Variants in SLX4IP observed in about 807,000 individuals in gnomAD.
SLX4IP encodes protein SLX4IP.
SLX4IP carries 34 observed loss-of-function variants against 32.9 expected under a neutral mutation model. That is an observed-to-expected ratio of 1.03 (90% CI 0.79 to 1.38). The LOEUF is 1.38. SLX4IP is among the 40% of genes most tolerant of loss of function. The pLI is 0.00. For synonymous variants in SLX4IP, 172 were observed against 171.7 expected, an observed-to-expected ratio of 1.00 and a Z score of -0.01; for missense variants, 444 against 479.0, an observed-to-expected ratio of 0.93 and a Z score of 0.68.
chr20:10,523,872 C>CT (rs377461031), intron 2 of SLX4IP, among the ~76,000 whole-genome samples: 5 of 152,184 alleles, frequency 3.3e-5, no homozygotes, highest in African/African-American at 1.2e-4. Context: ...TTATTTGAGT[C>CT]TATTAAATTC....
intron 6 of SLX4IP, among the ~76,000 whole-genome samples, chr20:10,611,150 A>T (rs2066962262): frequency 6.6e-6 from 1 of 152,228 alleles, no homozygotes; most frequent in South Asian, 2.1e-4. Context: ...ACATTATTAT[A>T]TGCCCCCCAA....
Position 10,542,963 on chromosome 20 carries a change from G to C in SLX4IP, c.28-13268G>C, listed in dbSNP as rs988272019. Among the ~76,000 whole-genome samples the C allele has an allele frequency of 9.2e-5, 14 of 152,148 alleles. 1 individual carries two copies. Among genetic ancestry groups the C allele is most frequent in the Non-Finnish European group, 1.5e-5 (1 of 68,026 alleles). On this transcript the variant is annotated intron_variant, in intron 2 of 7. Coordinates refer to ENST00000334534, the MANE Select transcript of SLX4IP (RefSeq NM_001009608.3). The stretch of plus-strand genomic sequence containing the variant: ...TGCTGGAAATGCAGACCAAGACCAG[G>C]GTCGAGGAAAAAGTTGTTCACCATC...
chr20:10,533,472 C>T (rs1370177154), intron 2 of SLX4IP, among the ~76,000 whole-genome samples: 2 of 151,888 alleles, frequency 1.3e-5, no homozygotes, highest in African/African-American at 4.8e-5. Context: ...CCTTTATGTA[C>T]AAAAATACAT....
At chr20:10,503,261 G>A (rs1189039185) in intron 2 of SLX4IP, among the ~76,000 whole-genome samples, 1 of 152,198 alleles carries the variant, frequency 6.6e-6, no homozygotes, top group Non-Finnish European at 1.5e-5. Flanking sequence ...GTCCGCCAGA[G>A]GTCTACAGGG....
At chr20:10,613,971 G>T (rs3748471) in intron 6 of SLX4IP, 4 of 1,171,124 alleles carry the variant, frequency 3.4e-6, no homozygotes, top group East Asian at 2.3e-5. Context: ...CTCGTCCACC[G>T]TTCCCTGCTC....
chr20:10,599,352 A>G (rs1048117758), intron 5 of SLX4IP, among the ~76,000 whole-genome samples: 1 of 152,188 alleles, frequency 6.6e-6, no homozygotes, highest in African/African-American at 2.4e-5. Context: ...TAACATATAG[A>G]GGCTTGCTGT....
intron 4 of SLX4IP, among the ~76,000 whole-genome samples, chr20:10,597,335 G>A (rs1323157144): frequency 1.3e-5 from 2 of 152,148 alleles, no homozygotes; most frequent in African/African-American, 2.4e-5. Flanking sequence ...TGCTGACTGC[G>A]ATAACCAGGA....
chr20:10,522,788 C>A (rs571430377), intron 2 of SLX4IP, among the ~76,000 whole-genome samples: 1 of 152,328 alleles, frequency 6.6e-6, no homozygotes, highest in South Asian at 2.1e-4. Flanking sequence ...CCACAAGAGC[C>A]CAGCTGCAGA....
chr20:10,490,579 T>G (rs562212562), intron 2 of SLX4IP, among the ~76,000 whole-genome samples: 85 of 152,316 alleles, frequency 5.6e-4, no homozygotes, highest in African/African-American at 1.9e-3. Flanking sequence ...GCTCTTTTTT[T>G]GGGTAACCTA....
chr20:10,620,850 C>T (rs998847289), intron 6 of SLX4IP, among the ~76,000 whole-genome samples: 3 of 152,300 alleles, frequency 2.0e-5, no homozygotes, highest in East Asian at 1.9e-4. Flanking sequence ...CCACTGCACC[C>T]GGCCACAAAA....
intron 2 of SLX4IP, among the ~76,000 whole-genome samples, chr20:10,517,742 G>A (rs2065862154): frequency 6.6e-6 from 1 of 152,124 alleles, no homozygotes. Flanking sequence ...CACCCTCCCT[G>A]GAGGTGTGGA....
chr20:10,607,050 A>G (rs188157620), intron 6 of SLX4IP, among the ~76,000 whole-genome samples: 3 of 152,290 alleles, frequency 2.0e-5, no homozygotes, highest in Admixed American at 2.0e-4. Context: ...TTAGATAAAC[A>G]CTTGTATTTT....
intron 2 of SLX4IP, among the ~76,000 whole-genome samples, chr20:10,531,796 G>A (rs553134011): frequency 5.7e-4 from 87 of 152,312 alleles, no homozygotes; most frequent in East Asian, 9.6e-4. Context: ...ACCTCCTAGC[G>A]TCTGGAGGAA....
intron 6 of SLX4IP, among the ~76,000 whole-genome samples, chr20:10,620,614 TGCCATCTCG>T (rs1024312193): frequency 7.9e-5 from 12 of 151,994 alleles, no homozygotes; most frequent in African/African-American, 2.9e-4. Flanking sequence ...AGTGCAGTGG[TGCCATCTCG>T]GCTCACTGCA....
chr20:10,623,626 A>G lies in SLX4IP; in HGVS notation c.*247A>G. On this transcript the variant is annotated 3_prime_UTR_variant, in exon 8 of 8. Transcript: ENST00000334534. ...TTATGACTGTCTTCAGAGAATTAGT[A>G]ATGACAAAGAGCCATCCACCTTGTC... is the stretch of plus-strand genomic sequence containing the variant. 1 of 549,766 alleles carries G rather than the reference A, an allele frequency of 1.8e-6. No individual in the cohort carries two copies. The allele number at this position is 549,766 out of a possible 1,614,324, so 34.1% of individuals were successfully genotyped here.
intron 2 of SLX4IP, among the ~76,000 whole-genome samples, chr20:10,503,967 A>C (rs1440841107): frequency 6.6e-6 from 1 of 152,196 alleles, no homozygotes; most frequent in Non-Finnish European, 1.5e-5. Context: ...GACTATTTCC[A>C]AATAAAGTCA....
intron 4 of SLX4IP, among the ~76,000 whole-genome samples, chr20:10,597,399 G>A (rs1195341474): frequency 1.3e-5 from 2 of 152,220 alleles, no homozygotes; most frequent in South Asian, 2.1e-4. Flanking sequence ...TATACCTGGA[G>A]GGAAGCCAGA....
chr20:10,525,593 G>A (rs1300977206), intron 2 of SLX4IP, among the ~76,000 whole-genome samples: 3 of 152,102 alleles, frequency 2.0e-5, no homozygotes, highest in African/African-American at 7.2e-5. Flanking sequence ...CTTTTTTGGC[G>A]GATTAGGGGG....
intron 2 of SLX4IP, among the ~76,000 whole-genome samples, chr20:10,491,266 C>A (rs780965929): frequency 6.6e-6 from 1 of 152,172 alleles, no homozygotes; most frequent in Non-Finnish European, 1.5e-5. Flanking sequence ...CCCATCAACT[C>A]TTCTTAAAGG....
Sources: gnomAD v4.1 joint callset for allele counts (sites outside exome capture counted in the v4.1 genomes callset) on GRCh38, gnomAD v4.1.1 for gene constraint, MANE v1.5 for transcripts, NCBI Gene and HGNC (gene_info 2026-07-23, HGNC 2026-07-21) for gene names.